Variants in LINGO2 observed in about 807,000 individuals in gnomAD.
LINGO2 encodes the protein leucine-rich repeat and immunoglobulin-like domain-containing nogo receptor-interacting protein 2.
Under a neutral mutation model 30.6 loss-of-function variants are expected in LINGO2, and 14 were observed. The ratio of observed to expected loss-of-function variants is 0.46; its 90% confidence interval spans 0.30 to 0.72. LINGO2 has a LOEUF of 0.72. LINGO2 is among the 30% of genes least tolerant of loss of function. The pLI, the probability that LINGO2 is intolerant of heterozygous loss-of-function variation, is 0.07. For synonymous variants in LINGO2, 317 were observed against 288.5 expected (o/e 1.10, Z -1.00); for missense variants, 729 against 751.7 (o/e 0.97, Z 0.35).
At chr9:29,066,951 A>G in the LINGO2 span, among the ~76,000 whole-genome samples, 1 of 151,844 alleles carries the variant, frequency 6.6e-6, no homozygotes, top group Admixed American at 6.6e-5. Context: ...AGCAAAACTA[A>G]CCCCAGCTAG....
At chr9:28,606,412 A>G (rs530204416) in intron 1 of LINGO2, among the ~76,000 whole-genome samples, 3 of 151,976 alleles carry the variant, frequency 2.0e-5, no homozygotes, top group Non-Finnish European at 2.9e-5. Flanking sequence ...AGAATAAATG[A>G]CTTTACTGGA....
chr9:28,456,364 C>A (rs2135097892), intron 2 of LINGO2, among the ~76,000 whole-genome samples: 1 of 152,304 alleles, frequency 6.6e-6, no homozygotes, highest in Non-Finnish European at 1.5e-5. Context: ...TCATTTACAG[C>A]CTCCCAAGAC....
At chr9:28,553,295 G>C (rs1421814448) in intron 1 of LINGO2, among the ~76,000 whole-genome samples, 4 of 152,206 alleles carry the variant, frequency 2.6e-5, no homozygotes, top group African/African-American at 9.6e-5. Flanking sequence ...ATACAGAGAA[G>C]TGCTTAAAGG....
At chr9:28,840,614 G>A in the LINGO2 span, among the ~76,000 whole-genome samples, 1 of 151,772 alleles carries the variant, frequency 6.6e-6, no homozygotes, top group African/African-American at 2.4e-5. Flanking sequence ...TCAAGGATGG[G>A]ACACAATGTT....
At chr9:29,017,101 T>C in the LINGO2 span, among the ~76,000 whole-genome samples, 1 of 152,200 alleles carries the variant, frequency 6.6e-6, no homozygotes, top group Non-Finnish European at 1.5e-5. Context: ...CTTCCAAATA[T>C]GTTGTTATTA....
exon 6 of LINGO2, chr9:27,948,565 C>T: frequency 3.0e-6 from 1 of 329,370 alleles, no homozygotes; most frequent in Non-Finnish European, 5.5e-6. Context: ...GAATAATTGT[C>T]CGTGAGTGTG....
At chr9:28,071,159 C>T (rs1825463906) in intron 4 of LINGO2, among the ~76,000 whole-genome samples, 1 of 152,140 alleles carries the variant, frequency 6.6e-6, no homozygotes, top group Non-Finnish European at 1.5e-5. Context: ...ATATTCCTCC[C>T]TTTTTCAGGC....
chr9:28,064,512 T>G (rs1825253249), intron 4 of LINGO2, among the ~76,000 whole-genome samples: 1 of 152,144 alleles, frequency 6.6e-6, no homozygotes, highest in South Asian at 2.1e-4. Flanking sequence ...TCCCGACTGT[T>G]GATAGCAACG....
At chr9:28,007,678 ACT>A (rs1338238840) in intron 5 of LINGO2, among the ~76,000 whole-genome samples, 2 of 152,052 alleles carry the variant, frequency 1.3e-5, no homozygotes, top group African/African-American at 2.4e-5. Context: ...CATCAAACTG[ACT>A]CTCATACCTT....
chr9:28,055,094 C>T (rs571798561), intron 4 of LINGO2, among the ~76,000 whole-genome samples: 9 of 152,168 alleles, frequency 5.9e-5, no homozygotes, highest in South Asian at 2.1e-4. Context: ...TTCCAAAAAC[C>T]GGAGAATGCT....
At chr9:28,222,891 A>G (rs1368038268) in intron 4 of LINGO2, among the ~76,000 whole-genome samples, 1 of 152,220 alleles carries the variant, frequency 6.6e-6, no homozygotes, top group African/African-American at 2.4e-5. Context: ...GGGAGAGATA[A>G]GCGAGATGGT....
At chr9:29,155,212 C>G in the LINGO2 span, among the ~76,000 whole-genome samples, 1 of 152,070 alleles carries the variant, frequency 6.6e-6, no homozygotes, top group Non-Finnish European at 1.5e-5. Flanking sequence ...TCACATTGCT[C>G]TTTTCTTGGC....
chr9:29,176,696 C>T, the LINGO2 span, among the ~76,000 whole-genome samples: 1 of 152,118 alleles, frequency 6.6e-6, no homozygotes, highest in Non-Finnish European at 1.5e-5. Flanking sequence ...AGAATTTCAG[C>T]CCCTAGGCAA....
chr9:28,493,197 G>A (rs2135275644), intron 1 of LINGO2, among the ~76,000 whole-genome samples: 1 of 152,164 alleles, frequency 6.6e-6, no homozygotes, highest in East Asian at 1.9e-4. Flanking sequence ...AGGTCAAAGT[G>A]TTTCTCCTTA....
At chr9:28,374,253 A>C (rs996930791) in intron 2 of LINGO2, among the ~76,000 whole-genome samples, 10 of 149,996 alleles carry the variant, frequency 6.7e-5, no homozygotes, top group Non-Finnish European at 1.0e-4. Context: ...TTGTGCATAG[A>C]AACAAATCTA....
chr9:28,014,197 A>C (rs1418709286), intron 4 of LINGO2, among the ~76,000 whole-genome samples: 1 of 152,222 alleles, frequency 6.6e-6, no homozygotes, highest in East Asian at 1.9e-4. Flanking sequence ...CATTTGGAAA[A>C]TTAAATTATT....
chr9:28,844,582 G>A, the LINGO2 span, among the ~76,000 whole-genome samples: 3 of 151,662 alleles, frequency 2.0e-5, no homozygotes, highest in Non-Finnish European at 4.4e-5. Flanking sequence ...TCCATCCTGA[G>A]CTGATTTTTT....
rs181013289 is a variant in LINGO2 at position 27,998,686 on chromosome 9, C to G, written c.-36+13669G>C. Among the ~76,000 whole-genome samples, 19 of 152,218 alleles carry G rather than the reference C, an allele frequency of 1.2e-4. No individual in the cohort carries two copies. The East Asian group carries it at 3.7e-3, about 29-fold the overall frequency. ...ATCCCAGCTACTTGGGAGGTTTAGG[C>G]AGGAGAATTGCTGAAACCAGGGAAG... On this transcript the variant is annotated intron_variant, in intron 5 of 5. Transcript: ENST00000379992.
At chr9:29,018,038 A>AT in the LINGO2 span, among the ~76,000 whole-genome samples, 1 of 26,816 alleles carries the variant, frequency 3.7e-5, no homozygotes. Flanking sequence ...ATATATATAG[A>AT]GAGAGAGAGA....
Sources: gnomAD v4.1 joint callset for allele counts (sites outside exome capture counted in the v4.1 genomes callset) on GRCh38, gnomAD v4.1.1 for gene constraint, MANE v1.5 for transcripts, NCBI Gene and HGNC (gene_info 2026-07-23, HGNC 2026-07-21) for gene names.